Variants in ST13 observed in about 807,000 individuals in gnomAD.
The protein encoded by ST13 is hsc70-interacting protein.
Under a neutral mutation model 56.7 loss-of-function variants are expected in ST13, and 23 were observed. The ratio of observed to expected loss-of-function variants is 0.41; its 90% CI spans 0.29 to 0.57. The LOEUF is 0.57. Ranked by LOEUF, ST13 falls within the 20% of genes least tolerant of loss-of-function variation. ST13 has a pLI of 0.36. For missense variants in ST13, 369 were observed against 459.9 expected (o/e 0.80, Z 1.81); for synonymous variants, 132 against 142.4 (o/e 0.93, Z 0.52).
At chr22:40,830,263 G>T (rs2057748008) in intron 9 of ST13, among the ~76,000 whole-genome samples, 1 of 152,118 alleles carries the variant, frequency 6.6e-6, no homozygotes, top group Non-Finnish European at 1.5e-5. Flanking sequence ...CAAAAAATTA[G>T]AATGTAACAT....
intron 8 of ST13, chr22:40,831,999 C>T (rs1449876303): frequency 1.9e-5 from 6 of 324,016 alleles, no homozygotes; most frequent in Admixed American, 4.0e-5. Context: ...ACTACGTAGG[C>T]GCATGCCACC....
chr22:40,848,966 G>A (rs1044297331), intron 2 of ST13, among the ~76,000 whole-genome samples: 1 of 152,094 alleles, frequency 6.6e-6, no homozygotes, highest in African/African-American at 2.4e-5. Context: ...CATATAGAAA[G>A]CAACACTTTC....
At chr22:40,852,078 T>C (rs9623251) in intron 1 of ST13, among the ~76,000 whole-genome samples, 6,755 of 152,280 alleles carry the variant, frequency 0.044, 462 homozygotes, top group African/African-American at 0.15. Context: ...TATCCACACT[T>C]ACATTCATTT....
chr22:40,835,822 A>C lies in ST13; in HGVS notation c.448T>G (p.Leu150Val), dbSNP rs202044791. Residue 150 changes from leucine (L) to valine (V), a missense_variant, in exon 6 of 12, where the codon TTG becomes GTG. Around this residue, in one of 3 missense-constraint regions of ST13, gnomAD observed 64 missense variants for 125.1 expected, o/e 0.51. Transcript: ENST00000216218. ...AIKLNPRLAILYAKRASVFVK... is the reference protein window; with the variant it reads ...AIKLNPRLAIVYAKRASVFVK... ...TCTCACCTGGCCCTCTTGGCATACAAAATGGCCAAGCGAGGATTCAGCTTG... is the reference window on the plus strand; with the variant it reads ...TCTCACCTGGCCCTCTTGGCATACACAATGGCCAAGCGAGGATTCAGCTTG... 1 of 1,613,950 alleles carries C rather than the reference A, an allele frequency of 6.2e-7. No individual in the cohort carries two copies. The highest frequency in any genetic ancestry group is 1.3e-5 in the African/African-American group (1 of 75,048).
chr22:40,843,303 T>TG (rs1184095411), intron 4 of ST13, among the ~76,000 whole-genome samples: 1 of 152,070 alleles, frequency 6.6e-6, no homozygotes, highest in African/African-American at 2.4e-5. Flanking sequence ...AAAAAACCAA[T>TG]GGAAGCGGGG....
In ST13 at chr22:40,832,749, A is replaced by G. The variant is rs1282933988; in HGVS notation, c.579-78T>C. The G allele has an allele frequency of 3.5e-6, 4 of 1,132,164 alleles. No individual in the cohort carries two copies. In the African/African-American group the frequency reaches 4.6e-5, roughly 13 times the overall value. The allele number at this position is 1,132,164 out of a possible 1,614,324, so 70.1% of individuals were successfully genotyped here. A position where few individuals can be genotyped will look rare whatever the true frequency, so the allele number is the denominator to read the frequency against. ...TGGCATGATATCTTTCTTCCTTACA[A>G]AAAAGGATTGTTCTAAAACAGGCTT... On this transcript the variant is annotated intron_variant, in intron 7 of 11. Transcript: ENST00000216218.
chr22:40,854,347 A>C (rs1445798190), intron 1 of ST13, among the ~76,000 whole-genome samples: 1 of 152,222 alleles, frequency 6.6e-6, no homozygotes, highest in South Asian at 2.1e-4. Flanking sequence ...TAAATATCTC[A>C]ATTTAAGTTC....
intron 5 of ST13, among the ~76,000 whole-genome samples, chr22:40,839,225 T>C (rs1346510277): frequency 6.6e-6 from 1 of 152,214 alleles, no homozygotes; most frequent in Non-Finnish European, 1.5e-5. Context: ...AATCACAAAA[T>C]GTTTAAAATA....
chr22:40,844,745 G>T, intron 4 of ST13, 94 bp downstream of exon 4: 1 of 1,054,824 alleles, frequency 9.5e-7, no homozygotes, highest in South Asian at 1.5e-5. Context: ...TTTACTATGC[G>T]CTTTTCCTGG....
chr22:40,841,184 C>T (rs2057802561), intron 4 of ST13, among the ~76,000 whole-genome samples: 1 of 149,638 alleles, frequency 6.7e-6, no homozygotes, highest in East Asian at 1.9e-4. Context: ...AGAGGGCGAT[C>T]CCATCTCTCC....
chr22:40,848,518 G>A lies in ST13; in HGVS notation c.169-149C>T. On this transcript the variant is annotated intron_variant, in intron 2 of 11. Coordinates refer to ENST00000216218, the MANE Select transcript of ST13 (RefSeq NM_003932.5). ...TTCCAGCACTTTGGGAGGCTGGGGT[G>A]GGTGGATCATTTGAGGTTAGGAGTT... The A allele has an allele frequency of 4.7e-6, 3 of 635,374 alleles. No individual in the cohort carries two copies. In the South Asian group the frequency reaches 5.4e-5, roughly 11 times the overall value. The allele number at this position is 635,374 out of a possible 1,614,324, so 39.4% of individuals were successfully genotyped here.
chr22:40,828,864 C>T lies in ST13; in HGVS notation c.847+762G>A, dbSNP rs565358706. ...AAGCTTTGAAAAATTAGTGCCTACC[C>T]GTAACGAAATTACTGACCCAAAGCT... On this transcript the variant is annotated intron_variant, in intron 10 of 11. Coordinates refer to ENST00000216218, the MANE Select transcript of ST13 (RefSeq NM_003932.5). 1.2e-4 allele frequency among the ~76,000 whole-genome samples: 19 copies of T among 152,226 alleles called. No individual in the cohort carries two copies. The South Asian group carries it at 3.7e-3, about 30-fold the overall frequency.
At chr22:40,840,008 G>C (rs1320569769) in intron 5 of ST13, among the ~76,000 whole-genome samples, 4 of 151,738 alleles carry the variant, frequency 2.6e-5, no homozygotes, top group Admixed American at 6.6e-5. Flanking sequence ...AAATTAGCTG[G>C]GCATGGTGGT....
intron 1 of ST13, among the ~76,000 whole-genome samples, chr22:40,854,142 TTGAGTAACCCTA>T (rs2057876151): frequency 6.6e-6 from 1 of 152,232 alleles, no homozygotes; most frequent in South Asian, 2.1e-4. Flanking sequence ...TGTTTTCAAC[TTGAGTAACCCTA>T]ACAGTAGCAT....
intron 1 of ST13, among the ~76,000 whole-genome samples, chr22:40,852,061 G>A (rs942322957): frequency 2.6e-5 from 4 of 152,162 alleles, no homozygotes; most frequent in African/African-American, 9.6e-5. Context: ...TGTAACTAGA[G>A]TTGTCATATC....
intron 5 of ST13, among the ~76,000 whole-genome samples, chr22:40,838,262 G>A (rs546475411): frequency 6.4e-4 from 98 of 152,218 alleles, no homozygotes; most frequent in African/African-American, 2.3e-3. Flanking sequence ...ACCAACCTTG[G>A]TGGAGCTTGG....
At position 40,856,560 on chromosome 22, in the gene ST13, A is replaced by T; in HGVS notation, c.-20T>A. ...GTCCATGGTAGGGAGGTGGTGGGCG[A>T]AACTGGGGGGGCTACGGCCCGGTTC... On this transcript the variant is annotated 5_prime_UTR_variant, in exon 1 of 12. Transcript: ENST00000216218. 1 of 1,600,670 alleles carries T rather than the reference A, an allele frequency of 6.2e-7. No homozygotes were observed. The highest frequency in any genetic ancestry group is 1.1e-5 in the South Asian group (1 of 90,774).
intron 8 of ST13, 66 bp from the exon 9 acceptor site, chr22:40,831,022 C>A: frequency 2.0e-6 from 2 of 1,010,336 alleles, no homozygotes; most frequent in South Asian, 2.7e-5. Flanking sequence ...CACAAATATT[C>A]TTTGTAGAGA....
At chr22:40,840,518 C>T in intron 5 of ST13, 108 bp downstream of exon 5, 1 of 906,656 alleles carries the variant, frequency 1.1e-6, no homozygotes, top group Admixed American at 2.6e-5. Flanking sequence ...ACACTATCTT[C>T]TCCAGTATAG....
Sources: allele counts gnomAD v4.1 joint callset (sites outside exome capture counted in the v4.1 genomes callset), GRCh38; gene constraint gnomAD v4.1.1; regional missense constraint gnomAD v4.1.1; transcripts MANE v1.5; gene names NCBI Gene and HGNC (gene_info 2026-07-23, HGNC 2026-07-21).